The following USP6NL variants were observed in gnomAD, a reference collection of about 807,000 sequenced individuals.
USP6NL encodes the protein USP6 N-terminal like.
USP6NL carries 26 observed loss-of-function variants against 61.9 expected under a neutral mutation model. The ratio of observed to expected loss-of-function variants is 0.42; its 90% CI spans 0.31 to 0.58. USP6NL has a LOEUF of 0.58. Among genes scored for constraint, USP6NL ranks in the 20% least tolerant of loss-of-function variants. The probability of loss-of-function intolerance (pLI) is 0.16; values close to 1 mark genes in which losing one functional copy is unlikely to be tolerated. For missense variants in USP6NL, 1,114 were observed against 1,034.3 expected (o/e 1.08, Z -1.06); for synonymous variants, 432 against 390.1 (o/e 1.11, Z -1.27).
At chr10:11,557,543 G>A (rs1304130095) in intron 2 of USP6NL, among the ~76,000 whole-genome samples, 6 of 152,230 alleles carry the variant, frequency 3.9e-5, no homozygotes, top group Non-Finnish European at 1.5e-5. Flanking sequence ...TATCTCTAGC[G>A]TTAAATCAGA....
chr10:11,506,889 C>T (rs1189591794), intron 6 of USP6NL, among the ~76,000 whole-genome samples: 1 of 151,614 alleles, frequency 6.6e-6, no homozygotes, highest in Admixed American at 6.6e-5. Flanking sequence ...CCTTGAAAGA[C>T]AAGAAAAAAA....
In USP6NL at chr10:11,463,713, G is replaced by C; in HGVS notation, c.1215C>G (p.Ser405Arg). Residue 405 changes from serine (S) to arginine (R), a missense_variant, in exon 15 of 15, where the codon AGC (serine) becomes AGG (arginine). Coordinates refer to ENST00000609104, the MANE Select transcript of USP6NL (RefSeq NM_014688.5). The surrounding 1 kb of genome is among the most constrained non-coding windows in gnomAD (Gnocchi z 6.3). The part of the protein sequence containing the change: ...PSPLASGRRE[S>R]GAPHRRHEHS... ...GCTCGTGCCTCCTGTGGGGCGCCCCGCTCTCCCTCCTGCCGCTGGCCAGCG... is the reference window on the plus strand; with the variant it reads ...GCTCGTGCCTCCTGTGGGGCGCCCCCCTCTCCCTCCTGCCGCTGGCCAGCG... 1 of 1,610,630 alleles carries C rather than the reference G, an allele frequency of 6.2e-7. No homozygotes were observed. The highest frequency in any genetic ancestry group is 1.7e-4 in the Middle Eastern group (1 of 6,044).
intron 2 of USP6NL, among the ~76,000 whole-genome samples, chr10:11,550,050 T>C (rs929798263): frequency 6.6e-6 from 1 of 152,226 alleles, no homozygotes; most frequent in Non-Finnish European, 1.5e-5. Context: ...TGTCAACAAA[T>C]GGTGCTGAAA....
chr10:11,588,990 C>T (rs1016427408), intron 2 of USP6NL, among the ~76,000 whole-genome samples: 1 of 152,184 alleles, frequency 6.6e-6, no homozygotes, highest in African/African-American at 2.4e-5. Flanking sequence ...CAAGGTCTCA[C>T]TAACACTGAT....
chr10:11,525,426 A>C lies in USP6NL; in HGVS notation c.115T>G (p.Tyr39Asp), dbSNP rs758426832. ...CTATCTGTGACTTTGTAAACAAGGT[A>C]ATCAGCATCTTCCCAAGGTTCAATC... ...AEIEPWEDAD[Y>D]LVYKVTDRFG... The change falls in exon 4 of 15, where the codon TAC (tyrosine) becomes GAC (aspartate). Residue 39 changes from tyrosine (Y) to aspartate (D), a missense_variant. Tyr to Asp is a radical substitution (Grantham distance 160, BLOSUM62 -3). Transcript: ENST00000609104. The surrounding 1 kb of genome is among the most constrained non-coding windows in gnomAD (Gnocchi z 5.0). 6.3e-7 allele frequency: 1 copy of C among 1,599,908 alleles called. No individual in the cohort carries two copies. The highest frequency in any genetic ancestry group is 8.5e-7 in the Non-Finnish European group (1 of 1,176,190).
chr10:11,596,542 C>T lies in USP6NL; in HGVS notation c.4+1089G>A, dbSNP rs781522971. 8.6e-5 allele frequency among the ~76,000 whole-genome samples: 13 copies of T among 151,170 alleles called. No homozygotes were observed. The highest frequency in any genetic ancestry group is 1.3e-4 in the Admixed American group (2 of 15,166). ...GGGAGGCTGAGGCAGGAGAATGGCG[C>T]GAACCCAGGAGGTGGAGCTTGCAGT... is the stretch of plus-strand genomic sequence containing the variant. On this transcript the variant is annotated intron_variant, in intron 2 of 14. Transcript: ENST00000609104. This position sits in a 1 kb window ranked among gnomAD's most constrained non-coding sequence, Gnocchi z 4.1.
chr10:11,559,682 G>T (rs1836850012), intron 2 of USP6NL, among the ~76,000 whole-genome samples: 2 of 152,100 alleles, frequency 1.3e-5, no homozygotes, highest in Non-Finnish European at 2.9e-5. Context: ...TACAACCTAA[G>T]CCTGGATCTA....
Position 11,462,605 on chromosome 10 carries a change from G to A in USP6NL, c.2323C>T (p.His775Tyr). 6.2e-7 allele frequency: 1 copy of A among 1,614,020 alleles called. No individual in the cohort carries two copies. Among genetic ancestry groups the A allele is most frequent in the Non-Finnish European group, 8.5e-7 (1 of 1,179,900 alleles). The stretch of plus-strand genomic sequence containing the variant: ...TCTACAGAAACTGCAGGGAGGCCAT[G>A]GTCCTGAAAGGGTGCGAGTTGAAAG... ...SAFQLAPFQD[H>Y]GLPAVSVDSP... is the part of the protein sequence containing the mutation. The change falls in exon 15 of 15, where the codon CAT (histidine) becomes TAT (tyrosine). Residue 775 changes from histidine (H) to tyrosine (Y), a missense_variant. Coordinates refer to ENST00000609104, the MANE Select transcript of USP6NL (RefSeq NM_014688.5).
chr10:11,596,163 G>A lies in USP6NL; in HGVS notation c.4+1468C>T, dbSNP rs1225263277. On this transcript the variant is annotated intron_variant, in intron 2 of 14. Transcript: ENST00000609104. The surrounding 1 kb of genome is among the most constrained non-coding windows in gnomAD (Gnocchi z 4.1). ...CCTAACAGAACCCAAAAATTGCAAA[G>A]TAGAAGAAAATTTATTTCACTTTCC... Among the ~76,000 whole-genome samples the A allele has an allele frequency of 6.6e-6, 1 of 152,192 alleles. No homozygotes were observed. The highest frequency in any genetic ancestry group is 2.4e-5 in the African/African-American group (1 of 41,458).
Position 11,518,651 on chromosome 10 carries a change from C to T in USP6NL, c.156-77G>A, listed in dbSNP as rs1278693545. ...TTAAAAGCTTATATACTTATAGATA[C>T]ATATGACATACAATATTTATTTGTC... On this transcript the variant is annotated intron_variant, in intron 4 of 14. Transcript: ENST00000609104. The surrounding 1 kb of genome is among the most constrained non-coding windows in gnomAD (Gnocchi z 5.3). 5.8e-6 allele frequency: 6 copies of T among 1,039,624 alleles called. No individual in the cohort carries two copies. Among genetic ancestry groups the T allele is most frequent in the Non-Finnish European group, 8.8e-6 (6 of 683,788 alleles). The allele number at this position is 1,039,624 out of a possible 1,614,324, so 64.4% of individuals were successfully genotyped here. A position where few individuals can be genotyped will look rare whatever the true frequency, so the allele number is the denominator to read the frequency against.
chr10:11,557,690 C>T (rs933544197), intron 2 of USP6NL, among the ~76,000 whole-genome samples: 5 of 152,198 alleles, frequency 3.3e-5, no homozygotes, highest in South Asian at 2.1e-4. Context: ...GCAATGTTCA[C>T]GAGTGCATGA....
In USP6NL at chr10:11,597,044, A is replaced by T. The variant is rs1366860188; in HGVS notation, c.4+587T>A. ...TTCTTTTCCCACCCTCTAAAAAGAA[A>T]CAGTTAACACAAAAAAGTAAAATCC... On this transcript the variant is annotated intron_variant, in intron 2 of 14. Transcript: ENST00000609104. This position sits in a 1 kb window ranked among gnomAD's most constrained non-coding sequence, Gnocchi z 4.6. Among the ~76,000 whole-genome samples the T allele has an allele frequency of 1.3e-5, 2 of 152,180 alleles. No individual in the cohort carries two copies. Among genetic ancestry groups the T allele is most frequent in the African/African-American group, 4.8e-5 (2 of 41,442 alleles).
chr10:11,469,521 A>G (rs1208410044), intron 14 of USP6NL, among the ~76,000 whole-genome samples: 3 of 152,244 alleles, frequency 2.0e-5, no homozygotes, highest in Admixed American at 2.0e-4. Flanking sequence ...CTCTTTAGGA[A>G]CTACTGTTTA....
At chr10:11,543,050 TTTAA>T (rs939964085) in intron 2 of USP6NL, among the ~76,000 whole-genome samples, 21 of 152,126 alleles carry the variant, frequency 1.4e-4, no homozygotes, top group Admixed American at 1.3e-4. Context: ...TTAGTAAAAA[TTTAA>T]TTAATATTTT....
chr10:11,586,419 TTAAG>T (rs1338453113), intron 2 of USP6NL, among the ~76,000 whole-genome samples: 1 of 148,676 alleles, frequency 6.7e-6, no homozygotes, highest in Non-Finnish European at 1.5e-5. Context: ...AAGGAAATGG[TTAAG>T]TAAGTTATGA....
At chr10:11,577,497 T>TTTTG (rs770340325) in intron 2 of USP6NL, among the ~76,000 whole-genome samples, 4 of 152,140 alleles carry the variant, frequency 2.6e-5, no homozygotes, top group Non-Finnish European at 4.4e-5. Flanking sequence ...TTGTTTGTTT[T>TTTTG]TTTGTTTGTT....
rs1832973078 is a variant in USP6NL at position 11,476,527 on chromosome 10, A to C, written c.1078+5243T>G. On this transcript the variant is annotated intron_variant, in intron 14 of 14. Coordinates refer to ENST00000609104, the MANE Select transcript of USP6NL (RefSeq NM_014688.5). This position sits in a 1 kb window ranked among gnomAD's most constrained non-coding sequence, Gnocchi z 4.3. ...TACAAAACATACAGAAATAAAATAAAGGTACAAAAATGCTAACAATAGTTA... is the reference window on the plus strand; with the variant it reads ...TACAAAACATACAGAAATAAAATAACGGTACAAAAATGCTAACAATAGTTA... Among the ~76,000 whole-genome samples, 1 of 152,230 alleles carries C rather than the reference A, an allele frequency of 6.6e-6. No individual in the cohort carries two copies. The highest frequency in any genetic ancestry group is 2.4e-5 in the African/African-American group (1 of 41,458).
intron 1 of USP6NL, among the ~76,000 whole-genome samples, chr10:11,604,179 A>G (rs1183118667): frequency 1.3e-5 from 2 of 152,198 alleles, no homozygotes; most frequent in Non-Finnish European, 2.9e-5. Flanking sequence ...TATTTGGTTC[A>G]CACGTTAGTA....
In USP6NL at chr10:11,478,254, G is replaced by A. The variant is rs538862900; in HGVS notation, c.1078+3516C>T. ...AGGCTCCAACGCCAGTGGCAGCAGC[G>A]ACGTCCACACACCTGAGGCTGTGGA... On this transcript the variant is annotated intron_variant, in intron 14 of 14. Transcript: ENST00000609104. This position sits in a 1 kb window ranked among gnomAD's most constrained non-coding sequence, Gnocchi z 6.8. 1.3e-4 allele frequency among the ~76,000 whole-genome samples: 20 copies of A among 152,296 alleles called. No individual in the cohort carries two copies. Among genetic ancestry groups the A allele is most frequent in the East Asian group, 3.9e-4 (2 of 5,164 alleles).
Sources: gnomAD v4.1 joint callset for allele counts (sites outside exome capture counted in the v4.1 genomes callset) on GRCh38, gnomAD v4.1.1 for gene constraint, Gnocchi (gnomAD v3.1) non-coding constraint, MANE v1.5 for transcripts, NCBI Gene and HGNC (gene_info 2026-07-23, HGNC 2026-07-21) for gene names.